Variants in GYPC observed in about 807,000 individuals in gnomAD.
GYPC encodes the protein glycophorin C (Gerbich blood group).
In GYPC, 14 loss-of-function variants were observed where a neutral mutation model predicts 12.6. The observed-to-expected ratio is 1.11, with a 90% confidence interval of 0.74 to 1.74. The LOEUF (loss-of-function observed/expected upper bound fraction) is 1.74, where lower values mean the gene tolerates loss of function less well. Ranked by LOEUF, GYPC falls within the 40% of genes most tolerant of loss-of-function variation. GYPC has a pLI of 0.00. For synonymous variants in GYPC, 78 were observed against 62.1 expected (o/e 1.26, Z -1.20); for missense variants, 225 against 172.1 (o/e 1.31, Z -1.72).
At chr2:126,666,374 T>C (rs1326428572) in intron 1 of GYPC, among the ~76,000 whole-genome samples, 2 of 152,254 alleles carry the variant, frequency 1.3e-5, no homozygotes, top group African/African-American at 2.4e-5. Context: ...AGGATCATTG[T>C]CACTGCATGA....
chr2:126,681,901 A>G (rs1322270277), intron 1 of GYPC, among the ~76,000 whole-genome samples: 4 of 152,202 alleles, frequency 2.6e-5, no homozygotes, highest in African/African-American at 9.6e-5. Flanking sequence ...TGTCTGCGCC[A>G]TGCCTGGCAA....
At position 126,696,463 on chromosome 2, in the gene GYPC, T is replaced by C. The variant is rs1683648535; in HGVS notation, c.*321T>C. ...CAACATCAGCTCACTGGCAGGAAAGTCCTTGTTGAGGGTGAGGGGGTGCTG... is the reference window on the plus strand; with the variant it reads ...CAACATCAGCTCACTGGCAGGAAAGCCCTTGTTGAGGGTGAGGGGGTGCTG... On this transcript the variant is annotated 3_prime_UTR_variant, in exon 4 of 4. Coordinates refer to ENST00000259254, the MANE Select transcript of GYPC (RefSeq NM_002101.5). The C allele has an allele frequency of 2.6e-6, 1 of 387,764 alleles. No individual in the cohort carries two copies. The allele number at this position is 387,764 out of a possible 1,614,324, so 24.0% of individuals were successfully genotyped here. A position where few individuals can be genotyped will look rare whatever the true frequency, so the allele number is the denominator to read the frequency against.
intron 1 of GYPC, among the ~76,000 whole-genome samples, chr2:126,661,130 G>A (rs558981975): frequency 7.9e-5 from 12 of 152,304 alleles, no homozygotes; most frequent in African/African-American, 2.4e-4. Context: ...CCAGGCCGGC[G>A]ACACTGGGTT....
chr2:126,686,266 T>C (rs1348903737), intron 1 of GYPC: 1 of 985,598 alleles, frequency 1.0e-6, no homozygotes, highest in East Asian at 1.1e-4. Context: ...GAGAATCCAT[T>C]GCAACTGAGG....
intron 3 of GYPC, 134 bp downstream of exon 3, chr2:126,694,081 G>A (rs1683565910): frequency 1.5e-5 from 11 of 712,314 alleles, no homozygotes; most frequent in Non-Finnish European, 2.6e-5. Flanking sequence ...AGGTGGTTTT[G>A]AATGTGGAAT....
intron 1 of GYPC, among the ~76,000 whole-genome samples, chr2:126,672,485 A>G (rs1348735498): frequency 6.6e-6 from 1 of 152,182 alleles, no homozygotes; most frequent in Non-Finnish European, 1.5e-5. Flanking sequence ...AAATTGTCAG[A>G]TGTATCTTTC....
chr2:126,686,082 G>A, intron 1 of GYPC: 2 of 985,274 alleles, frequency 2.0e-6, no homozygotes, highest in Non-Finnish European at 2.4e-6. Flanking sequence ...AGATGGGCCG[G>A]GAAATGTAAA....
intron 3 of GYPC, 35 bp downstream of exon 3, chr2:126,693,982 G>T: frequency 7.2e-7 from 1 of 1,395,520 alleles, no homozygotes; most frequent in South Asian, 1.2e-5. Context: ...CAAGCAGCCA[G>T]GGTGGGGGGC....
rs1360867034 is a variant in GYPC at position 126,696,162 on chromosome 2, C to T, written c.*20C>T. On this transcript the variant is annotated 3_prime_UTR_variant, in exon 4 of 4. Coordinates refer to ENST00000259254, the MANE Select transcript of GYPC (RefSeq NM_002101.5). ...ATTTGAGGGACAACAGACTTCACTT[C>T]CCTGAATGCCTCCCCCATCTCCATC... 6.4e-7 allele frequency: 1 copy of T among 1,564,870 alleles called. No homozygotes were observed. The highest frequency in any genetic ancestry group is 8.8e-7 in the Non-Finnish European group (1 of 1,135,662).
intron 1 of GYPC, among the ~76,000 whole-genome samples, chr2:126,670,145 A>G (rs1255654634): frequency 6.6e-6 from 1 of 152,138 alleles, no homozygotes; most frequent in African/African-American, 2.4e-5. Context: ...GCTCCAGTTC[A>G]TGATGTCTCC....
chr2:126,685,249 A>G (rs1312084790), intron 1 of GYPC, among the ~76,000 whole-genome samples: 1 of 152,248 alleles, frequency 6.6e-6, no homozygotes, highest in Admixed American at 6.5e-5. Context: ...GAAAAACCAC[A>G]GTGCTAGCTG....
At chr2:126,656,453 C>T in intron 1 of GYPC, 141 bp downstream of exon 1, 1 of 679,680 alleles carries the variant, frequency 1.5e-6, no homozygotes, top group Non-Finnish European at 2.4e-6. Flanking sequence ...GTCCGCTGGG[C>T]TCAGATCCCC....
At chr2:126,684,245 A>G (rs536342672) in intron 1 of GYPC, among the ~76,000 whole-genome samples, 1 of 152,174 alleles carries the variant, frequency 6.6e-6, no homozygotes, top group Non-Finnish European at 1.5e-5. Flanking sequence ...AGTTCACATC[A>G]ACCTCACCTG....
At chr2:126,665,187 C>A (rs1478143116) in intron 1 of GYPC, among the ~76,000 whole-genome samples, 1 of 152,126 alleles carries the variant, frequency 6.6e-6, no homozygotes, top group Non-Finnish European at 1.5e-5. Flanking sequence ...AAGAGGGTGA[C>A]TTTGAGATAC....
chr2:126,667,835 T>G (rs1183500726), intron 1 of GYPC, among the ~76,000 whole-genome samples: 2 of 152,202 alleles, frequency 1.3e-5, no homozygotes, highest in Non-Finnish European at 2.9e-5. Context: ...ATCATCCCAG[T>G]CCAATCTGAT....
At chr2:126,663,432 T>C (rs112033388) in intron 1 of GYPC, among the ~76,000 whole-genome samples, 1,591 of 152,288 alleles carry the variant, frequency 0.01, 32 homozygotes, top group African/African-American at 0.036. Context: ...AGCTGTGTGA[T>C]GGGGAGCAAG....
chr2:126,686,011 G>A (rs1169061064), intron 1 of GYPC: 1 of 985,296 alleles, frequency 1.0e-6, no homozygotes, highest in Non-Finnish European at 1.2e-6. Context: ...CAGATGGACA[G>A]GAGGAAGACA....
chr2:126,685,261 G>A (rs529865483), intron 1 of GYPC, among the ~76,000 whole-genome samples: 160 of 152,328 alleles, frequency 1.1e-3, no homozygotes, highest in Non-Finnish European at 1.4e-3. Context: ...TGCTAGCTGA[G>A]AAGCACTTAC....
chr2:126,679,965 C>T (rs1001571841), intron 1 of GYPC: 1 of 152,136 alleles, frequency 6.6e-6, no homozygotes, highest in Non-Finnish European at 1.5e-5. Context: ...CCAAATGCAA[C>T]CTGTGGCCTG....
Sources: allele counts gnomAD v4.1 joint callset (sites outside exome capture counted in the v4.1 genomes callset), GRCh38; gene constraint gnomAD v4.1.1; transcripts MANE v1.5; gene names NCBI Gene and HGNC (gene_info 2026-07-23, HGNC 2026-07-21).